ETV1: variants seen among roughly 807,000 people sequenced by gnomAD.
The protein encoded by ETV1 is ETS variant transcription factor 1.
In ETV1, 27 loss-of-function variants were observed where a neutral mutation model predicts 62.3. That is an observed-to-expected ratio of 0.43 (90% CI 0.32 to 0.60). The LOEUF is 0.60. Ranked by LOEUF, ETV1 falls within the 20% of genes least tolerant of loss-of-function variation. The pLI, the probability that ETV1 is intolerant of heterozygous loss-of-function variation, is 0.06. For missense variants in ETV1, 605 were observed against 605.8 expected, an observed-to-expected ratio of 1.00 and a Z score of 0.01; for synonymous variants, 222 against 199.6, an observed-to-expected ratio of 1.11 and a Z score of -0.94.
intron 6 of ETV1, among the ~76,000 whole-genome samples, chr7:13,952,722 A>T (rs1282357047): frequency 6.6e-6 from 1 of 152,154 alleles, no homozygotes; most frequent in African/African-American, 2.4e-5. Context: ...GAAATGTGGG[A>T]AAGTAAGATG....
At chr7:13,969,143 G>A (rs1270941568) in intron 6 of ETV1, among the ~76,000 whole-genome samples, 3 of 152,092 alleles carry the variant, frequency 2.0e-5, no homozygotes, top group African/African-American at 4.8e-5. Flanking sequence ...GGTCATCAAT[G>A]CCTTGGCTCT....
intron 6 of ETV1, among the ~76,000 whole-genome samples, chr7:13,952,205 G>C (rs1311212592): frequency 2.6e-5 from 4 of 152,088 alleles, no homozygotes; most frequent in Non-Finnish European, 2.9e-5. Context: ...CATAATCATG[G>C]ACTAACTGTG....
intron 6 of ETV1, among the ~76,000 whole-genome samples, chr7:13,972,348 G>C (rs1780992205): frequency 6.6e-6 from 1 of 151,622 alleles, no homozygotes; most frequent in Middle Eastern, 3.2e-3. Context: ...AGGGTAGACT[G>C]CTGAACTAAG....
At chr7:13,923,603 G>A (rs888469761) in intron 9 of ETV1, among the ~76,000 whole-genome samples, 2 of 151,986 alleles carry the variant, frequency 1.3e-5, no homozygotes, top group East Asian at 1.9e-4. Context: ...ATAATTTTTC[G>A]ATGTGCTAAG....
intron 6 of ETV1, among the ~76,000 whole-genome samples, chr7:13,944,513 C>G (rs1329718452): frequency 6.6e-6 from 1 of 152,032 alleles, no homozygotes; most frequent in Admixed American, 6.6e-5. Flanking sequence ...CAAATACCAT[C>G]ACACTGGGGA....
chr7:13,986,422 G>A, intron 5 of ETV1: 1 of 1,487,018 alleles, frequency 6.7e-7, no homozygotes, highest in South Asian at 1.4e-5. Context: ...TGAGCTGGAA[G>A]CAATTTCTCC....
At chr7:13,975,318 G>A (rs937729043) in intron 6 of ETV1, among the ~76,000 whole-genome samples, 8 of 152,098 alleles carry the variant, frequency 5.3e-5, no homozygotes, top group South Asian at 2.1e-4. Context: ...AGGCCAAGGC[G>A]GGCGGATCAC....
rs1028832878 is a variant in ETV1, at chr7:13,931,422, G to A, written c.802+80C>T. On this transcript the variant is annotated intron_variant, in intron 9 of 13. Coordinates refer to ENST00000430479, the MANE Select transcript of ETV1 (RefSeq NM_004956.5). ...TTAAAAAATGGTCAGGAGCTACCTA[G>A]TCTGATACCAACACTAACCAATGTG... 1.0e-5 allele frequency: 16 copies of A among 1,524,722 alleles called. No homozygotes were observed. The African/African-American group carries it at 2.1e-4, about 20-fold the overall frequency. The allele number at this position is 1,524,722 out of a possible 1,614,324, so 94.4% of individuals were successfully genotyped here.
upstream of ETV1, among the ~76,000 whole-genome samples, chr7:13,990,901 C>T (rs1782973087): frequency 6.6e-6 from 1 of 152,258 alleles, no homozygotes; most frequent in East Asian, 1.9e-4. Context: ...TTGAAAGTTT[C>T]CTTCCTTAAA....
intron 9 of ETV1, among the ~76,000 whole-genome samples, chr7:13,924,249 C>A (rs1029417153): frequency 6.6e-6 from 1 of 151,880 alleles, no homozygotes; most frequent in Non-Finnish European, 1.5e-5. Flanking sequence ...AAAGAAAGAG[C>A]GAGGTCCAAT....
chr7:13,960,817 T>C (rs2128482581), intron 6 of ETV1, among the ~76,000 whole-genome samples: 1 of 152,264 alleles, frequency 6.6e-6, no homozygotes, highest in South Asian at 2.1e-4. Flanking sequence ...TTTGTTTTGT[T>C]GTTGTTATTG....
chr7:13,955,441 C>G (rs1032791619), intron 6 of ETV1, among the ~76,000 whole-genome samples: 2 of 152,030 alleles, frequency 1.3e-5, no homozygotes, highest in Non-Finnish European at 2.9e-5. Context: ...TAAATATTAA[C>G]TTAAAAACAT....
intron 5 of ETV1, among the ~76,000 whole-genome samples, chr7:13,984,929 T>TAAAAA (rs67286902): frequency 0.54 from 80,301 of 148,362 alleles, 21,713 homozygotes; most frequent in Admixed American, 0.61. Flanking sequence ...AGTCAAAAGT[T>TAAAAA]AAAAAAAAAG....
At chr7:13,964,886 T>C (rs561734126) in intron 6 of ETV1, among the ~76,000 whole-genome samples, 2 of 152,266 alleles carry the variant, frequency 1.3e-5, no homozygotes, top group East Asian at 3.9e-4. Flanking sequence ...AGCCTGATAA[T>C]CTTTTTGGGT....
chr7:13,907,842 C>A (rs1453720291), intron 11 of ETV1: 1 of 470,282 alleles, frequency 2.1e-6, no homozygotes. Flanking sequence ...ACAGAAAGGG[C>A]AACATTTGAA....
chr7:13,988,889 CA>C, intron 3 of ETV1, 118 bp downstream of exon 3: 1 of 1,549,004 alleles, frequency 6.5e-7, no homozygotes, highest in Non-Finnish European at 8.8e-7. Context: ...ACAGTGGCAA[CA>C]AAGCAGATAA....
intron 6 of ETV1, among the ~76,000 whole-genome samples, chr7:13,972,669 A>G (rs1469942756): frequency 6.6e-6 from 1 of 152,190 alleles, no homozygotes; most frequent in African/African-American, 2.4e-5. Flanking sequence ...ATATGAAAAG[A>G]TTTATTGCTA....
intron 6 of ETV1, among the ~76,000 whole-genome samples, chr7:13,957,514 T>C (rs1478009838): frequency 2.0e-5 from 3 of 152,222 alleles, no homozygotes; most frequent in Non-Finnish European, 1.5e-5. Flanking sequence ...TCAAAGAGGA[T>C]GGTAAACAAT....
At chr7:13,925,211 C>T (rs982609449) in intron 9 of ETV1, among the ~76,000 whole-genome samples, 1 of 152,072 alleles carries the variant, frequency 6.6e-6, no homozygotes, top group Non-Finnish European at 1.5e-5. Context: ...ACCACATGGC[C>T]GAGAAGCATT....
Sources: gnomAD v4.1 joint callset for allele counts (sites outside exome capture counted in the v4.1 genomes callset) on GRCh38, gnomAD v4.1.1 for gene constraint, MANE v1.5 for transcripts, NCBI Gene and HGNC (gene_info 2026-07-23, HGNC 2026-07-21) for gene names.